ANK3: variants seen among roughly 807,000 people sequenced by gnomAD.
The protein encoded by ANK3 is ankyrin 3.
Under a neutral mutation model 370.9 loss-of-function variants are expected in ANK3, and 57 were observed. The ratio of observed to expected loss-of-function variants is 0.15; its 90% CI spans 0.12 to 0.19. ANK3 has a LOEUF of 0.19. Among genes scored for constraint, ANK3 ranks in the 10% least tolerant of loss-of-function variants. The pLI, the probability that ANK3 is intolerant of heterozygous loss-of-function variation, is 1.00. For missense variants in ANK3, 4,439 were observed against 5,302.1 expected, an observed-to-expected ratio of 0.84 and a Z score of 5.06; for synonymous variants, 1,929 against 1,946.3, an observed-to-expected ratio of 0.99 and a Z score of 0.23.
At chr10:60,047,026 T>C (rs2077081656) in intron 42 of ANK3, among the ~76,000 whole-genome samples, 1 of 152,014 alleles carries the variant, frequency 6.6e-6, no homozygotes, top group Non-Finnish European at 1.5e-5. Flanking sequence ...CCAGGATGGT[T>C]TTGATCTCCT....
chr10:60,446,748 A>G (rs2064457916), intron 2 of ANK3, among the ~76,000 whole-genome samples: 1 of 152,200 alleles, frequency 6.6e-6, no homozygotes, highest in Admixed American at 6.5e-5. Flanking sequence ...ATCTGTGCGA[A>G]AGAGGCTAGG....
At chr10:60,542,106 A>G (rs2076861983) in intron 2 of ANK3, among the ~76,000 whole-genome samples, 2 of 151,868 alleles carry the variant, frequency 1.3e-5, no homozygotes, top group Non-Finnish European at 2.9e-5. Flanking sequence ...CTCACCAATT[A>G]CCAACCCTTT....
chr10:60,542,096 C>A (rs1026675024), intron 2 of ANK3, among the ~76,000 whole-genome samples: 3 of 151,914 alleles, frequency 2.0e-5, no homozygotes, highest in Non-Finnish European at 2.9e-5. Context: ...GTGAACACCA[C>A]TCACCAATTA....
intron 23 of ANK3, among the ~76,000 whole-genome samples, chr10:60,157,044 T>TTTG (rs1043722232): frequency 1.3e-5 from 2 of 151,422 alleles, no homozygotes; most frequent in African/African-American, 4.9e-5. Flanking sequence ...TGAATCTTTT[T>TTTG]TTTTTTTTTC....
intron 2 of ANK3, among the ~76,000 whole-genome samples, chr10:60,497,592 A>G (rs143556461): frequency 0.017 from 2,535 of 152,314 alleles, 81 homozygotes; most frequent in African/African-American, 0.058. Flanking sequence ...ACATTTTGGC[A>G]CACTTCCTGT....
intron 1 of ANK3, among the ~76,000 whole-genome samples, chr10:60,674,882 T>C (rs1305019335): frequency 1.3e-5 from 2 of 152,138 alleles, no homozygotes; most frequent in East Asian, 3.9e-4. Flanking sequence ...CAAGTTGATA[T>C]GAGGTAGTAA....
intron 25 of ANK3, among the ~76,000 whole-genome samples, chr10:60,118,610 T>G (rs2093271012): frequency 6.6e-6 from 1 of 152,198 alleles, no homozygotes. Flanking sequence ...CCAACAAACC[T>G]TCAGAGTAGG....
chr10:60,507,253 A>G (rs1056035878), intron 2 of ANK3, among the ~76,000 whole-genome samples: 2 of 152,090 alleles, frequency 1.3e-5, no homozygotes, highest in Admixed American at 6.6e-5. Flanking sequence ...TGTTTACTTT[A>G]ACAATAATCA....
At chr10:60,592,283 G>T (rs1016821943) in intron 2 of ANK3, among the ~76,000 whole-genome samples, 1 of 152,056 alleles carries the variant, frequency 6.6e-6, no homozygotes, top group Non-Finnish European at 1.5e-5. Context: ...GCCAGAATCA[G>T]TTTCTTGTTT....
intron 1 of ANK3, among the ~76,000 whole-genome samples, chr10:60,339,060 TTTTC>T (rs1177594718): frequency 1.3e-5 from 2 of 152,184 alleles, no homozygotes; most frequent in African/African-American, 2.4e-5. Flanking sequence ...TGCTTGTTTC[TTTTC>T]TTTGTTAGTA....
chr10:60,230,035 C>T lies in ANK3; in HGVS notation c.897+4653G>A, dbSNP rs201942774. ...AGAGTATTGTTATTACCAACACTAC[C>T]GGGGATTCTGCATCTTCTCTGAAGC... On this transcript the variant is annotated intron_variant, in intron 8 of 43. Coordinates refer to ENST00000280772, the MANE Select transcript of ANK3 (RefSeq NM_020987.5). Among the ~76,000 whole-genome samples the T allele has an allele frequency of 3.4e-4, 52 of 152,192 alleles. No individual in the cohort carries two copies. In the East Asian group the frequency reaches 9.1e-3, roughly 27 times the overall value.
chr10:60,178,845 T>C (rs1448119070), intron 18 of ANK3, among the ~76,000 whole-genome samples: 1 of 151,806 alleles, frequency 6.6e-6, no homozygotes, highest in Non-Finnish European at 1.5e-5. Context: ...TTCATCTCTA[T>C]CAAACAACAC....
intron 2 of ANK3, among the ~76,000 whole-genome samples, chr10:60,426,537 T>C (rs940925570): frequency 6.6e-6 from 1 of 152,114 alleles, no homozygotes; most frequent in Non-Finnish European, 1.5e-5. Flanking sequence ...ATGAGTCATT[T>C]GGCAAATCTT....
rs112307930 is a variant in ANK3, at chr10:60,080,494, T to C, written c.4432+43A>G. On this transcript the variant is annotated intron_variant, in intron 36 of 43. Coordinates refer to ENST00000280772, the MANE Select transcript of ANK3 (RefSeq NM_020987.5). ...TTTGTATAGAAAAAATGTCTCTTCT[T>C]ATGAAAATCCACGTAGATTAGTAAA... The C allele has an allele frequency of 2.6e-5, 41 of 1,553,022 alleles. No homozygotes were observed. The African/African-American group carries it at 4.4e-4, about 16-fold the overall frequency.
At position 60,463,632 on chromosome 10, in the gene ANK3, T is replaced by C. The variant is rs148568008; in HGVS notation, c.96+151554A>G. ...CCCTGTTGCAAAGGACAGTCTGATA[T>C]AACTGTTCCATTTTATTCTCAATGG... On this transcript the variant is annotated intron_variant, in intron 2 of 43. Transcript: ENST00000373827. Among the ~76,000 whole-genome samples, 555 of 152,054 alleles carry C rather than the reference T, an allele frequency of 3.7e-3. 2 individuals are homozygous for C. Among genetic ancestry groups the C allele is most frequent in the African/African-American group, 0.013 (536 of 41,464 alleles).
At chr10:60,328,661 A>G (rs1459652047) in intron 1 of ANK3, among the ~76,000 whole-genome samples, 1 of 152,040 alleles carries the variant, frequency 6.6e-6, no homozygotes, top group African/African-American at 2.4e-5. Flanking sequence ...CCGGCCAACC[A>G]AAAAAAGCCC....
chr10:60,476,469 G>T (rs1268443305), intron 2 of ANK3, among the ~76,000 whole-genome samples: 1 of 152,110 alleles, frequency 6.6e-6, no homozygotes, highest in African/African-American at 2.4e-5. Flanking sequence ...CGAAAAGTAG[G>T]TAGAAACTAT....
At chr10:60,125,337 G>A (rs750626507) in intron 25 of ANK3, among the ~76,000 whole-genome samples, 6 of 152,278 alleles carry the variant, frequency 3.9e-5, no homozygotes, top group Admixed American at 6.5e-5. Flanking sequence ...GAAGCTGAGC[G>A]TGTCAACACC....
intron 1 of ANK3, among the ~76,000 whole-genome samples, chr10:60,381,306 A>G (rs1055279730): frequency 2.6e-5 from 4 of 152,148 alleles, no homozygotes; most frequent in Non-Finnish European, 4.4e-5. Flanking sequence ...CTGTCTGTAC[A>G]TAGGGTTCTT....
Sources: gnomAD v4.1 joint callset for allele counts (sites outside exome capture counted in the v4.1 genomes callset) on GRCh38, gnomAD v4.1.1 for gene constraint, MANE v1.5 for transcripts, NCBI Gene and HGNC (gene_info 2026-07-23, HGNC 2026-07-21) for gene names.